Variants in REEP2 observed in about 807,000 individuals in gnomAD.
REEP2 encodes receptor expression-enhancing protein 2.
In REEP2, 9 loss-of-function variants were observed where a neutral mutation model predicts 32.1. The ratio of observed to expected loss-of-function variants is 0.28; its 90% CI spans 0.17 to 0.49. The LOEUF is 0.49. REEP2 is among the 20% of genes least tolerant of loss of function. REEP2 has a pLI of 0.99. For synonymous variants in REEP2, 128 were observed against 139.1 expected (o/e 0.92, Z 0.56); for missense variants, 236 against 338.0 (o/e 0.70, Z 2.37).
At chr5:138,444,985 GGA>G in intron 5 of REEP2, 118 bp downstream of exon 5, 1 of 798,954 alleles carries the variant, frequency 1.3e-6, no homozygotes, top group Non-Finnish European at 2.0e-6. Context: ...TCATGCAGCT[GGA>G]GGCTCCAGTC....
In REEP2 at chr5:138,441,796, G is replaced by T. The variant is rs866646860; in HGVS notation, c.182+335G>T. On this transcript the variant is annotated intron_variant, in intron 3 of 7. Transcript: ENST00000378339. This position sits in a 1 kb window ranked among gnomAD's most constrained non-coding sequence, Gnocchi z 4.4. Reference sequence around the variant, plus strand: ...AAAAAAAAAATAGCTGGGCATGGTGGCGCCCCTGTAATCCCAGCTACTAGG... The same window carrying T: ...AAAAAAAAAATAGCTGGGCATGGTGTCGCCCCTGTAATCCCAGCTACTAGG... Among the ~76,000 whole-genome samples the T allele has an allele frequency of 1.5e-4, 23 of 152,084 alleles. No homozygotes were observed. Among genetic ancestry groups the T allele is most frequent in the African/African-American group, 5.1e-4 (21 of 41,422 alleles).
At chr5:138,439,368 CCCCAGAGACATGGAGATGTGGCA>C in intron 1 of REEP2, 128 bp downstream of exon 1, 1 of 965,764 alleles carries the variant, frequency 1.0e-6, no homozygotes, top group Non-Finnish European at 1.5e-6. Flanking sequence ...TATTTGGGGC[CCCCAGAGACATGGAGATGTGGCA>C]CCCAGGACTG....
chr5:138,440,951 G>C, intron 1 of REEP2, 65 bp from the exon 2 acceptor site: 1 of 1,604,198 alleles, frequency 6.2e-7, no homozygotes, highest in Admixed American at 1.7e-5. Context: ...GGGCTGATGC[G>C]GAGCTGGGAG....
chr5:138,444,347 G>A, intron 3 of REEP2, 68 bp from the exon 4 acceptor site: 1 of 1,573,218 alleles, frequency 6.4e-7, no homozygotes, highest in Non-Finnish European at 8.6e-7. Context: ...CATGGGGCCG[G>A]TGCTGCTGGA....
Position 138,445,748 on chromosome 5 carries a change from T to A in REEP2, c.762T>A (p.Ala254=), listed in dbSNP as rs755186526. The change falls in exon 8 of 8, where the codon GCT becomes GCA. Residue 254 remains alanine, a synonymous_variant. Coordinates refer to ENST00000378339, the MANE Select transcript of REEP2 (RefSeq NM_001271803.2). ...AGACCTCTGGCGGGGGCGACTCAGCTTGAGCCCCTCCACCCCCGCAGGCTG... is the reference window on the plus strand; with the variant it reads ...AGACCTCTGGCGGGGGCGACTCAGCATGAGCCCCTCCACCCCCGCAGGCTG... The part of the protein sequence containing the change: ...KKKTSGGGDS[A] The A allele has an allele frequency of 6.2e-7, 1 of 1,613,762 alleles. No homozygotes were observed.
Position 138,446,425 on chromosome 5 carries a change from G to A in REEP2, c.*674G>A, listed in dbSNP as rs1428997486. ...TGTCTTTCTGGGTCTAGGGCTCGGGGTAGTTTGGGTCAAGGACTGTCCCTC... is the reference window on the plus strand; with the variant it reads ...TGTCTTTCTGGGTCTAGGGCTCGGGATAGTTTGGGTCAAGGACTGTCCCTC... On this transcript the variant is annotated 3_prime_UTR_variant, in exon 8 of 8. Coordinates refer to ENST00000378339, the MANE Select transcript of REEP2 (RefSeq NM_001271803.2). 1.3e-5 allele frequency: 2 copies of A among 152,554 alleles called. No homozygotes were observed. The highest frequency in any genetic ancestry group is 1.9e-4 in the East Asian group (1 of 5,192). The allele number at this position is 152,554 out of a possible 1,614,324, so 9.5% of individuals were successfully genotyped here.
At chr5:138,444,556 C>A in intron 4 of REEP2, 21 bp downstream of exon 4, 1 of 1,612,892 alleles carries the variant, frequency 6.2e-7, no homozygotes, top group Non-Finnish European at 8.5e-7. Context: ...ACTCTCAGCT[C>A]ACCTCCCAGC....
At position 138,446,040 on chromosome 5, in the gene REEP2, C is replaced by T. The variant is rs559846254; in HGVS notation, c.*289C>T. On this transcript the variant is annotated 3_prime_UTR_variant, in exon 8 of 8. Transcript: ENST00000378339. ...CTCCACCGCTGTTCCGCTGCAGCCC[C>T]GCCCTGCCCCACCCACCCAGTGCCT... 428 of 446,706 alleles carry T rather than the reference C, an allele frequency of 9.6e-4. No individual in the cohort carries two copies. Among genetic ancestry groups the T allele is most frequent in the Admixed American group, 1.5e-3 (37 of 25,330 alleles). 27.7% of individuals were successfully genotyped at this position (446,706 alleles called of 1,614,324 possible). A position where few individuals can be genotyped will look rare whatever the true frequency, so the allele number is the denominator to read the frequency against.
intron 1 of REEP2, 173 bp from the exon 2 acceptor site, chr5:138,440,843 C>T (rs1763810615): frequency 3.8e-6 from 5 of 1,304,064 alleles, no homozygotes; most frequent in East Asian, 5.0e-5. Context: ...CATCACCCTA[C>T]CTGGCTGGGC....
intron 1 of REEP2, among the ~76,000 whole-genome samples, chr5:138,440,079 G>GTCAAGGGGCTGAGCC (rs1763793933): frequency 6.6e-6 from 1 of 152,214 alleles, no homozygotes; most frequent in Non-Finnish European, 1.5e-5. Flanking sequence ...ACAGGCGACA[G>GTCAAGGGGCTGAGCC]CCACACATTG....
rs374935299 is a variant in REEP2, at chr5:138,441,101, C to T, written c.105+13C>T. On this transcript the variant is annotated intron_variant, in intron 2 of 7. Transcript: ENST00000378339. The surrounding 1 kb of genome is among the most constrained non-coding windows in gnomAD (Gnocchi z 4.4). Reference sequence around the variant, plus strand: ...CGTGAAGGAATATGTGAGTGGATGACCCTTCACCCCCTACCCAACCCACAT... The same window carrying T: ...CGTGAAGGAATATGTGAGTGGATGATCCTTCACCCCCTACCCAACCCACAT... 7.1e-5 allele frequency: 115 copies of T among 1,613,506 alleles called. No individual in the cohort carries two copies. The highest frequency in any genetic ancestry group is 7.4e-5 in the Non-Finnish European group (87 of 1,179,960).
intron 5 of REEP2, 129 bp from the exon 6 acceptor site, chr5:138,445,099 C>A: frequency 1.8e-6 from 2 of 1,083,214 alleles, no homozygotes; most frequent in Non-Finnish European, 2.7e-6. Flanking sequence ...TCAGCTCTGT[C>A]TGTGTGGGAC....
chr5:138,444,810 G>A lies in REEP2; in HGVS notation c.360G>A (p.Arg120=), dbSNP rs200197291. The A allele has an allele frequency of 1.2e-4, 201 of 1,613,958 alleles. 1 individual carries two copies. The highest frequency in any genetic ancestry group is 1.4e-4 in the Non-Finnish European group (168 of 1,179,966). Residue 120 remains arginine (R), a synonymous_variant, in exon 5 of 8, where the codon AGG becomes AGA. Transcript: ENST00000378339. ...ARDKSYETMM[R]VGKRGLNLAA... ...ACAAGAGCTATGAGACCATGATGAG[G>A]GTGGGCAAGAGGGGCCTGAACCTTG...
At chr5:138,442,815 C>G (rs1326961205) in intron 3 of REEP2, among the ~76,000 whole-genome samples, 2 of 148,154 alleles carry the variant, frequency 1.3e-5, no homozygotes, top group Non-Finnish European at 3.0e-5. Flanking sequence ...GAGTCGAGAT[C>G]GAGCCACTGC....
In REEP2 at chr5:138,444,498, G is replaced by C; in HGVS notation, c.266G>C (p.Arg89Pro). ...ACCAAGGGCTCCAGCGTGCTCTACC[G>C]CAAGTTCGTGCACCCAACGCTGTCC... ...PYTKGSSVLY[R>P]KFVHPTLSNK... Residue 89 changes from arginine to proline, a missense_variant, in exon 4 of 8, where the codon CGC becomes CCC. By Grantham distance (103) the Arg-to-Pro change is moderately radical (BLOSUM62 -2). Coordinates refer to ENST00000378339, the MANE Select transcript of REEP2 (RefSeq NM_001271803.2). 1 of 1,614,050 alleles carries C rather than the reference G, an allele frequency of 6.2e-7. No individual in the cohort carries two copies. The highest frequency in any genetic ancestry group is 8.5e-7 in the Non-Finnish European group (1 of 1,179,982).
intron 3 of REEP2, among the ~76,000 whole-genome samples, chr5:138,442,623 A>G (rs1032658595): frequency 6.6e-6 from 1 of 152,168 alleles, no homozygotes; most frequent in Non-Finnish European, 1.5e-5. Flanking sequence ...TGGGAGGCCG[A>G]GGTGGGCGGA....
Position 138,445,805 on chromosome 5 carries a change from C to G in REEP2, c.*54C>G, listed in dbSNP as rs1763921095. On this transcript the variant is annotated 3_prime_UTR_variant, in exon 8 of 8. Transcript: ENST00000378339. ...AAGGATGAAGCCTCAGGAGGGGCCT[C>G]AGACCCAGCCCCTGCTCCACACTGT... is the stretch of plus-strand genomic sequence containing the variant. The G allele has an allele frequency of 6.5e-7, 1 of 1,539,860 alleles. No homozygotes were observed. Among genetic ancestry groups the G allele is most frequent in the Non-Finnish European group, 8.9e-7 (1 of 1,127,996 alleles).
At position 138,445,963 on chromosome 5, in the gene REEP2, G is replaced by A; in HGVS notation, c.*212G>A. On this transcript the variant is annotated 3_prime_UTR_variant, in exon 8 of 8. Coordinates refer to ENST00000378339, the MANE Select transcript of REEP2 (RefSeq NM_001271803.2). Reference sequence around the variant, plus strand: ...CAGCTGTGGGGGTTGAGGGTAGAGGGTGGACCAGAGGCTGAGGACTGAGCC... The same window carrying A: ...CAGCTGTGGGGGTTGAGGGTAGAGGATGGACCAGAGGCTGAGGACTGAGCC... 1 of 596,566 alleles carries A rather than the reference G, an allele frequency of 1.7e-6. No individual in the cohort carries two copies. The highest frequency in any genetic ancestry group is 2.1e-5 in the South Asian group (1 of 47,718). The allele number at this position is 596,566 out of a possible 1,614,324, so 37.0% of individuals were successfully genotyped here.
At chr5:138,439,791 G>A in intron 1 of REEP2, 1 of 455,844 alleles carries the variant, frequency 2.2e-6, no homozygotes, top group South Asian at 1.5e-5. Context: ...TCTGGGTATC[G>A]GGAAGCAGAA....
Sources: allele counts gnomAD v4.1 joint callset (sites outside exome capture counted in the v4.1 genomes callset), GRCh38; gene constraint gnomAD v4.1.1; non-coding constraint Gnocchi (gnomAD v3.1); transcripts MANE v1.5; gene names NCBI Gene and HGNC (gene_info 2026-07-23, HGNC 2026-07-21).